The following DLGAP2 variants were observed in gnomAD, a reference collection of about 807,000 sequenced individuals.
The protein encoded by DLGAP2 is disks large-associated protein 2.
DLGAP2 carries 26 observed loss-of-function variants against 100.3 expected under a neutral mutation model. The observed-to-expected ratio is 0.26, with a 90% CI of 0.19 to 0.36. The LOEUF (loss-of-function observed/expected upper bound fraction) is 0.36, where lower values mean the gene tolerates loss of function less well. DLGAP2 is among the 10% of genes least tolerant of loss of function. DLGAP2 has a pLI of 1.00. For synonymous variants in DLGAP2, 886 were observed against 630.1 expected (o/e 1.41, Z -6.08); for missense variants, 1,858 against 1,453.2 (o/e 1.28, Z -4.53).
intron 2 of DLGAP2, among the ~76,000 whole-genome samples, chr8:957,950 G>T (rs533464828): frequency 6.6e-6 from 1 of 151,940 alleles, no homozygotes; most frequent in Admixed American, 6.6e-5. Context: ...CATACAATAC[G>T]TTCCTGGTGC....
At chr8:766,698 A>G (rs1821224425) in intron 1 of DLGAP2, among the ~76,000 whole-genome samples, 1 of 152,164 alleles carries the variant, frequency 6.6e-6, no homozygotes, top group African/African-American at 2.4e-5. Context: ...TCATTCTTTG[A>G]AAAGCAGCTT....
chr8:1,419,063 C>T (rs1366604016), intron 3 of DLGAP2, among the ~76,000 whole-genome samples: 1 of 152,266 alleles, frequency 6.6e-6, no homozygotes, highest in East Asian at 1.9e-4. Flanking sequence ...CCTCTCTGGG[C>T]ACCGCCTCCC....
intron 8 of DLGAP2, among the ~76,000 whole-genome samples, chr8:1,658,535 A>G: frequency 6.6e-6 from 1 of 152,156 alleles, no homozygotes; most frequent in Non-Finnish European, 1.5e-5. Context: ...TTATTGCTCT[A>G]TTCAGGGATT....
chr8:1,138,839 G>A (rs1796469624), intron 2 of DLGAP2, among the ~76,000 whole-genome samples: 3 of 152,128 alleles, frequency 2.0e-5, no homozygotes, highest in Admixed American at 1.3e-4. Flanking sequence ...GTCCTGGCCT[G>A]TGCGGCTGGT....
chr8:872,187 C>T (rs1414765584), intron 1 of DLGAP2, among the ~76,000 whole-genome samples: 2 of 152,016 alleles, frequency 1.3e-5, no homozygotes, highest in Non-Finnish European at 2.9e-5. Flanking sequence ...TTCTAAGGTT[C>T]ATTTTTAATA....
At chr8:1,469,693 G>A (rs1289605896) in intron 3 of DLGAP2, among the ~76,000 whole-genome samples, 1 of 152,176 alleles carries the variant, frequency 6.6e-6, no homozygotes, top group Non-Finnish European at 1.5e-5. Flanking sequence ...GCACGTGCCT[G>A]AGAATTCTTT....
chr8:973,974 G>A (rs1314746563), intron 2 of DLGAP2, among the ~76,000 whole-genome samples: 2 of 151,732 alleles, frequency 1.3e-5, no homozygotes, highest in African/African-American at 4.8e-5. Flanking sequence ...CCACTCGGTC[G>A]CCAGAAAAGA....
intron 3 of DLGAP2, among the ~76,000 whole-genome samples, chr8:1,416,102 A>G (rs114781761): frequency 0.01 from 1,597 of 152,350 alleles, 32 homozygotes; most frequent in African/African-American, 0.036. Flanking sequence ...AGGACCCTGC[A>G]TAATATCTGC....
chr8:1,240,617 C>T (rs1286948269), intron 2 of DLGAP2, among the ~76,000 whole-genome samples: 1 of 150,436 alleles, frequency 6.6e-6, no homozygotes, highest in African/African-American at 2.5e-5. Context: ...CTAGTTCTCT[C>T]TCGCACATAG....
At chr8:868,968 G>C (rs1340430968) in intron 1 of DLGAP2, among the ~76,000 whole-genome samples, 2 of 152,200 alleles carry the variant, frequency 1.3e-5, no homozygotes, top group African/African-American at 4.8e-5. Context: ...TGCTGTCTCA[G>C]AAAAGCTTTG....
chr8:1,273,206 C>T (rs566612493), intron 3 of DLGAP2, among the ~76,000 whole-genome samples: 23 of 152,294 alleles, frequency 1.5e-4, no homozygotes, highest in South Asian at 8.3e-4. Flanking sequence ...GGGGGGCCCT[C>T]CCACCAGCCA....
At chr8:1,493,360 C>T (rs1799448979) in intron 3 of DLGAP2, among the ~76,000 whole-genome samples, 1 of 152,158 alleles carries the variant, frequency 6.6e-6, no homozygotes, top group South Asian at 2.1e-4. Context: ...GTGTAGACAT[C>T]TGCCTCCATC....
intron 3 of DLGAP2, among the ~76,000 whole-genome samples, chr8:1,451,942 C>G (rs1247061900): frequency 6.6e-6 from 1 of 152,270 alleles, no homozygotes. Context: ...TCCGTGTTAT[C>G]TGTCCACCAC....
intron 2 of DLGAP2, among the ~76,000 whole-genome samples, chr8:1,174,017 C>T (rs1278302586): frequency 1.3e-5 from 2 of 152,152 alleles, no homozygotes; most frequent in Non-Finnish European, 2.9e-5. Flanking sequence ...ATTTGGCCAT[C>T]TTGGCTCCTC....
chr8:746,199 A>G (rs977597856), intron 1 of DLGAP2, among the ~76,000 whole-genome samples: 16 of 152,300 alleles, frequency 1.1e-4, no homozygotes, highest in African/African-American at 2.9e-4. Flanking sequence ...CAGTGCTCCC[A>G]GCTCCCTTGC....
At chr8:1,266,380 G>C (rs1397809780) in intron 3 of DLGAP2, among the ~76,000 whole-genome samples, 1 of 152,234 alleles carries the variant, frequency 6.6e-6, no homozygotes, top group African/African-American at 2.4e-5. Context: ...TACGGGGCAA[G>C]GTGTGGAGCA....
At chr8:840,672 C>T (rs1446792116) in intron 1 of DLGAP2, among the ~76,000 whole-genome samples, 6 of 119,628 alleles carry the variant, frequency 5.0e-5, no homozygotes, top group Admixed American at 8.5e-5. Context: ...CGAGCGCGTC[C>T]ACACGGTGCA....
chr8:995,569 T>G (rs1348537561), intron 2 of DLGAP2, among the ~76,000 whole-genome samples: 2 of 152,176 alleles, frequency 1.3e-5, no homozygotes, highest in Non-Finnish European at 2.9e-5. Context: ...ACCACAAATG[T>G]CAGCCATGCT....
At chr8:880,789 T>C (rs1005931392) in intron 1 of DLGAP2, among the ~76,000 whole-genome samples, 5 of 152,248 alleles carry the variant, frequency 3.3e-5, no homozygotes, top group African/African-American at 1.2e-4. Flanking sequence ...ATCCCCCACT[T>C]GCCACTGTAA....
Sources: gnomAD v4.1 joint callset for allele counts (sites outside exome capture counted in the v4.1 genomes callset) on GRCh38, gnomAD v4.1.1 for gene constraint, MANE v1.5 for transcripts, NCBI Gene and HGNC (gene_info 2026-07-23, HGNC 2026-07-21) for gene names.